LUZP1: variants seen among roughly 807,000 people sequenced by gnomAD.
LUZP1 encodes the protein leucine zipper protein 1.
In LUZP1, 25 loss-of-function variants were observed where a neutral mutation model predicts 71.3. The ratio of observed to expected loss-of-function variants is 0.35; its 90% confidence interval spans 0.26 to 0.49. The LOEUF is 0.49. Ranked by LOEUF, LUZP1 falls within the 20% of genes least tolerant of loss-of-function variation. The probability of loss-of-function intolerance (pLI) is 0.99; values close to 1 mark genes in which losing one functional copy is unlikely to be tolerated. For missense variants in LUZP1, 1,142 were observed against 1,300.8 expected (o/e 0.88, Z 1.88); for synonymous variants, 481 against 506.4 (o/e 0.95, Z 0.67).
At chr1:23,108,115 CTCT>C (rs1318016906) in intron 3 of LUZP1, among the ~76,000 whole-genome samples, 1 of 152,228 alleles carries the variant, frequency 6.6e-6, no homozygotes, top group Non-Finnish European at 1.5e-5. Context: ...TCACTTCTAT[CTCT>C]TCTATTTCAT....
chr1:23,135,943 A>G (rs1644249704), intron 2 of LUZP1, among the ~76,000 whole-genome samples: 1 of 152,148 alleles, frequency 6.6e-6, no homozygotes, highest in African/African-American at 2.4e-5. Context: ...TATACTGGAA[A>G]TAGTGGTGAA....
At chr1:23,138,689 GTGTGTGTGTATATA>G (rs1176522518) in intron 2 of LUZP1, among the ~76,000 whole-genome samples, 4 of 106,390 alleles carry the variant, frequency 3.8e-5, no homozygotes, top group Non-Finnish European at 5.3e-5. Context: ...GTGTGTGTGT[GTGTGTGTGTATATA>G]TATATATATA....
chr1:23,091,250 G>T (rs761525295), exon 4 of LUZP1: 2 of 1,613,812 alleles, frequency 1.2e-6, no homozygotes, highest in South Asian at 2.2e-5. Context: ...GATTCCGACG[G>T]GTAAGCACCT....
intron 2 of LUZP1, among the ~76,000 whole-genome samples, chr1:23,124,091 C>G (rs1436548473): frequency 6.6e-6 from 1 of 152,096 alleles, no homozygotes; most frequent in Non-Finnish European, 1.5e-5. Context: ...CCTAAGACCA[C>G]CCAAGGTACA....
At chr1:23,127,633 C>G (rs1557662693) in intron 2 of LUZP1, among the ~76,000 whole-genome samples, 3 of 152,156 alleles carry the variant, frequency 2.0e-5, no homozygotes. Flanking sequence ...ACGCCATTCT[C>G]CTGCCTCAGC....
intron 2 of LUZP1, among the ~76,000 whole-genome samples, chr1:23,166,262 CA>C (rs1430373814): frequency 2.6e-5 from 4 of 152,140 alleles, no homozygotes; most frequent in African/African-American, 9.7e-5. Context: ...ACCTGAGAAA[CA>C]GACCTGGGTA....
At chr1:23,090,693 GCT>G in intron 4 of LUZP1, 1 of 608,518 alleles carries the variant, frequency 1.6e-6, no homozygotes, top group Non-Finnish European at 2.9e-6. Context: ...GTAAGCCCCG[GCT>G]CTCCTCATCC....
At chr1:23,146,813 A>T (rs999155468) in intron 2 of LUZP1, among the ~76,000 whole-genome samples, 2 of 151,120 alleles carry the variant, frequency 1.3e-5, no homozygotes, top group East Asian at 3.9e-4. Context: ...AATAATAATA[A>T]TAGGCTGGGC....
chr1:23,087,636 A>T (rs2124576678), exon 5 of LUZP1: 1 of 152,782 alleles, frequency 6.5e-6, no homozygotes, highest in South Asian at 2.1e-4. Context: ...GAATTGACAG[A>T]ATGCTAAAGA....
At chr1:23,089,034 C>T (rs190175949) in exon 5 of LUZP1, 3 of 1,613,908 alleles carry the variant, frequency 1.9e-6, no homozygotes, top group African/African-American at 2.7e-5. Context: ...ACTGAGTGTA[C>T]AGTCTTCCCC....
exon 5 of LUZP1, chr1:23,084,518 A>AAAGT (rs888743373): frequency 2.0e-5 from 3 of 152,148 alleles, no homozygotes; most frequent in East Asian, 1.9e-4. Flanking sequence ...CCTTATCTGC[A>AAAGT]AAGTCCCTTT....
At chr1:23,138,890 C>T (rs540240530) in intron 2 of LUZP1, among the ~76,000 whole-genome samples, 8 of 146,332 alleles carry the variant, frequency 5.5e-5, no homozygotes, top group African/African-American at 7.6e-5. Flanking sequence ...CCCAGCTACT[C>T]GGGAGGCTGA....
chr1:23,135,444 A>G (rs1644245926), intron 2 of LUZP1, among the ~76,000 whole-genome samples: 1 of 152,218 alleles, frequency 6.6e-6, no homozygotes, highest in African/African-American at 2.4e-5. Context: ...GGAGTTGGGT[A>G]GACTTCAGAG....
chr1:23,117,469 CTCTCTCT>C (rs1644089940), intron 2 of LUZP1, among the ~76,000 whole-genome samples: 1 of 47,136 alleles, frequency 2.1e-5, no homozygotes, highest in Non-Finnish European at 4.0e-5. Context: ...CTCTCTCTCT[CTCTCTCT>C]CCCCCCCCCC....
At chr1:23,111,945 G>A (rs573346141) in intron 2 of LUZP1, among the ~76,000 whole-genome samples, 148 of 152,174 alleles carry the variant, frequency 9.7e-4, no homozygotes, top group Non-Finnish European at 1.6e-3. Context: ...TGATAGCAGC[G>A]CCCCTGCTAA....
At chr1:23,167,954 G>C (rs1489578515) in intron 2 of LUZP1, among the ~76,000 whole-genome samples, 1 of 151,688 alleles carries the variant, frequency 6.6e-6, no homozygotes, top group Non-Finnish European at 1.5e-5. Flanking sequence ...CGCGGCGGGC[G>C]GGGGGAGGCC....
rs538393622 is a variant in LUZP1, at chr1:23,173,048, C to T, written c.-484-4024G>A. Among the ~76,000 whole-genome samples the T allele has an allele frequency of 3.3e-5, 5 of 151,274 alleles. No homozygotes were observed. The East Asian group carries it at 1.0e-3, about 30-fold the overall frequency. ...ATGTTGGTCAGGCTGGTCTCGAACT[C>T]CTGACCTCATGATCCGCCCACCTCA... On this transcript the variant is annotated intron_variant, in intron 1 of 4. Transcript: ENST00000302291.
At chr1:23,106,479 C>A (rs1029064916) in intron 3 of LUZP1, among the ~76,000 whole-genome samples, 18 of 152,056 alleles carry the variant, frequency 1.2e-4, no homozygotes, top group Admixed American at 2.0e-4. Flanking sequence ...GTGGCATGCA[C>A]CTGTAGTCCC....
At chr1:23,127,681 G>A (rs541480833) in intron 2 of LUZP1, among the ~76,000 whole-genome samples, 6 of 152,032 alleles carry the variant, frequency 3.9e-5, no homozygotes, top group Non-Finnish European at 8.8e-5. Flanking sequence ...CCGCCTCCAA[G>A]CCCAGCTAAT....
Sources: gnomAD v4.1 joint callset for allele counts (sites outside exome capture counted in the v4.1 genomes callset) on GRCh38, gnomAD v4.1.1 for gene constraint, MANE v1.5 for transcripts, NCBI Gene and HGNC (gene_info 2026-07-23, HGNC 2026-07-21) for gene names.